The following NTNG1 variants were observed in gnomAD, a reference collection of about 807,000 sequenced individuals.
The protein encoded by NTNG1 is netrin G1.
In NTNG1, 16 loss-of-function variants were observed where a neutral mutation model predicts 54.0. That is an observed-to-expected ratio of 0.30 (90% confidence interval 0.20 to 0.45). NTNG1 has a LOEUF of 0.45. Among genes scored for constraint, NTNG1 ranks in the 20% least tolerant of loss-of-function variants. The pLI, the probability that NTNG1 is intolerant of heterozygous loss-of-function variation, is 1.00. For synonymous variants in NTNG1, 255 were observed against 263.1 expected (o/e 0.97, Z 0.30); for missense variants, 530 against 678.7 (o/e 0.78, Z 2.43).
chr1:107,461,030 T>C (rs1467203808), intron 7 of NTNG1, among the ~76,000 whole-genome samples: 3 of 152,136 alleles, frequency 2.0e-5, no homozygotes, highest in African/African-American at 7.2e-5. Flanking sequence ...CCTTAAAGGA[T>C]GGATGCTGGG....
At chr1:107,202,034 G>A (rs1658797178) in intron 2 of NTNG1, among the ~76,000 whole-genome samples, 2 of 151,244 alleles carry the variant, frequency 1.3e-5, no homozygotes, top group South Asian at 4.2e-4. Flanking sequence ...ATTTTATTTT[G>A]TCTTATATTA....
chr1:107,219,918 G>T (rs1255974547), intron 2 of NTNG1, among the ~76,000 whole-genome samples: 2 of 152,140 alleles, frequency 1.3e-5, no homozygotes, highest in African/African-American at 4.8e-5. Flanking sequence ...AGTTGCAGTA[G>T]TATAGGGAGG....
chr1:107,437,417 G>T (rs1417577904), intron 7 of NTNG1, among the ~76,000 whole-genome samples: 1 of 152,196 alleles, frequency 6.6e-6, no homozygotes, highest in Non-Finnish European at 1.5e-5. Flanking sequence ...GGTCTTCAAA[G>T]CTTGTCAAGG....
intron 2 of NTNG1, among the ~76,000 whole-genome samples, chr1:107,257,922 C>CAGG (rs1157621107): frequency 6.6e-6 from 1 of 152,190 alleles, no homozygotes; most frequent in African/African-American, 2.4e-5. Flanking sequence ...TCCTTTGTTT[C>CAGG]AGGAGCCTCA....
At chr1:107,234,107 G>A (rs116793293) in intron 2 of NTNG1, among the ~76,000 whole-genome samples, 2,569 of 152,116 alleles carry the variant, frequency 0.017, 39 homozygotes, top group Non-Finnish European at 0.028. Flanking sequence ...GCATAATGAC[G>A]TAATGGGCTA....
chr1:107,398,780 T>C (rs930458731), intron 4 of NTNG1, among the ~76,000 whole-genome samples: 23 of 152,326 alleles, frequency 1.5e-4, no homozygotes, highest in African/African-American at 5.5e-4. Flanking sequence ...TTGATCTTCA[T>C]TCTTTTTTGA....
chr1:107,465,541 TA>T (rs557442290), intron 7 of NTNG1, among the ~76,000 whole-genome samples: 187 of 152,362 alleles, frequency 1.2e-3, no homozygotes, highest in Admixed American at 2.0e-3. Flanking sequence ...TCATCTGCCA[TA>T]AGGCTTCAAA....
chr1:107,299,413 A>T (rs1666187899), intron 2 of NTNG1, among the ~76,000 whole-genome samples: 1 of 152,172 alleles, frequency 6.6e-6, no homozygotes, highest in Non-Finnish European at 1.5e-5. Context: ...TAGCACATAC[A>T]GTGGTACTTC....
chr1:107,258,975 GA>G (rs1006607875), intron 2 of NTNG1, among the ~76,000 whole-genome samples: 1 of 152,084 alleles, frequency 6.6e-6, no homozygotes, highest in Non-Finnish European at 1.5e-5. Flanking sequence ...AGGGAAAATG[GA>G]AAATAAAGTA....
chr1:107,282,096 A>C (rs183414820), intron 2 of NTNG1, among the ~76,000 whole-genome samples: 1 of 152,300 alleles, frequency 6.6e-6, no homozygotes, highest in East Asian at 1.9e-4. Flanking sequence ...ACGATGCTTA[A>C]TTGTGTATCT....
At chr1:107,470,523 T>A (rs1677914195) in intron 7 of NTNG1, among the ~76,000 whole-genome samples, 1 of 152,246 alleles carries the variant, frequency 6.6e-6, no homozygotes. Context: ...TACATGTCTG[T>A]ACTTATGGAG....
chr1:107,242,147 G>A (rs1024581642), intron 2 of NTNG1, among the ~76,000 whole-genome samples: 2 of 151,920 alleles, frequency 1.3e-5, no homozygotes, highest in African/African-American at 4.8e-5. Context: ...GGTGTTGCGT[G>A]CCTGTAGTCC....
intron 2 of NTNG1, among the ~76,000 whole-genome samples, chr1:107,267,450 T>C (rs55814351): frequency 0.083 from 12,567 of 152,266 alleles, 601 homozygotes; most frequent in Middle Eastern, 0.11. Context: ...TCAACCCAGT[T>C]GTTCAAACTG....
intron 2 of NTNG1, among the ~76,000 whole-genome samples, chr1:107,261,731 T>TA (rs1206879885): frequency 6.6e-6 from 1 of 152,084 alleles, no homozygotes. Context: ...TAGTCCCAGC[T>TA]ACTCGGGAGG....
rs1667853828 is a variant in NTNG1 at position 107,324,809 on chromosome 1, A to G, written c.774A>G (p.Thr258=). Residue 258 remains threonine (T), a synonymous_variant, in exon 3 of 8, where the codon ACA becomes ACG. Coordinates refer to ENST00000370068, the MANE Select transcript of NTNG1 (RefSeq NM_001113226.3). Reference sequence around the variant, plus strand: ...CCAAGAAACTCAGAGATTTCTTTACAGTCACAGACCTGAGGATAAGGCTGT... The same window carrying G: ...CCAAGAAACTCAGAGATTTCTTTACGGTCACAGACCTGAGGATAAGGCTGT... The part of the protein sequence containing the change: ...DTTKKLRDFF[T]VTDLRIRLLR... 2 of 1,613,652 alleles carry G rather than the reference A, an allele frequency of 1.2e-6. No individual in the cohort carries two copies. The highest frequency in any genetic ancestry group is 1.7e-6 in the Non-Finnish European group (2 of 1,179,748).
At position 107,405,598 on chromosome 1, in the gene NTNG1, G is replaced by A. The variant is rs566601603; in HGVS notation, c.1061-2084G>A. On this transcript the variant is annotated intron_variant, in intron 4 of 7. Coordinates refer to ENST00000370068, the MANE Select transcript of NTNG1 (RefSeq NM_001113226.3). The stretch of plus-strand genomic sequence containing the variant: ...GCTGCAGCAAATACTGCATCAAACA[G>A]TCTTGCGGCTTTGTTTTTCATTGTA... 2.0e-5 allele frequency among the ~76,000 whole-genome samples: 3 copies of A among 152,232 alleles called. No homozygotes were observed. In the East Asian group the frequency reaches 5.8e-4, roughly 29 times the overall value.
chr1:107,451,679 G>A (rs1164673288), intron 7 of NTNG1, among the ~76,000 whole-genome samples: 1 of 152,158 alleles, frequency 6.6e-6, no homozygotes, highest in Non-Finnish European at 1.5e-5. Flanking sequence ...AACAGTGTAA[G>A]AATACCACTC....
chr1:107,386,676 T>C (rs12725109), intron 3 of NTNG1, among the ~76,000 whole-genome samples: 17,268 of 152,274 alleles, frequency 0.11, 1,202 homozygotes, highest in Non-Finnish European at 0.16. Context: ...TTGGCTATTA[T>C]GAATAATGTT....
intron 6 of NTNG1, among the ~76,000 whole-genome samples, chr1:107,432,597 A>G (rs1675341135): frequency 6.6e-6 from 1 of 152,226 alleles, no homozygotes; most frequent in Admixed American, 6.5e-5. Context: ...TTTTGAAGGC[A>G]GAGTACATTT....
Sources: allele counts gnomAD v4.1 joint callset (sites outside exome capture counted in the v4.1 genomes callset), GRCh38; gene constraint gnomAD v4.1.1; transcripts MANE v1.5; gene names NCBI Gene and HGNC (gene_info 2026-07-23, HGNC 2026-07-21).